SPTLC1: variants seen among roughly 807,000 people sequenced by gnomAD.
SPTLC1 encodes serine palmitoyltransferase 1.
Under a neutral mutation model 68.9 loss-of-function variants are expected in SPTLC1, and 55 were observed. The observed-to-expected ratio is 0.80, with a 90% CI of 0.64 to 1.00. The LOEUF (loss-of-function observed/expected upper bound fraction) is 1.00, where lower values mean the gene tolerates loss of function less well. Ranked by LOEUF, SPTLC1 falls within the 50% of genes least tolerant of loss-of-function variation. The probability of loss-of-function intolerance (pLI) is 0.00; values close to 1 mark genes in which losing one functional copy is unlikely to be tolerated. For missense variants in SPTLC1, 449 were observed against 573.1 expected, an observed-to-expected ratio of 0.78 and a Z score of 2.21; for synonymous variants, 197 against 201.6, an observed-to-expected ratio of 0.98 and a Z score of 0.19.
chr9:92,103,894 C>G (rs1057104176), intron 3 of SPTLC1, among the ~76,000 whole-genome samples: 1 of 152,212 alleles, frequency 6.6e-6, no homozygotes, highest in African/African-American at 2.4e-5. Flanking sequence ...CAGCCCCGCA[C>G]CCCCAACAGC....
At chr9:92,083,791 G>C (rs1482095594) in intron 3 of SPTLC1, among the ~76,000 whole-genome samples, 1 of 152,116 alleles carries the variant, frequency 6.6e-6, no homozygotes, top group Non-Finnish European at 1.5e-5. Flanking sequence ...GTCATTGGTA[G>C]CTTGATGGGG....
intron 5 of SPTLC1, among the ~76,000 whole-genome samples, chr9:92,071,920 A>T (rs1315805602): frequency 1.3e-5 from 2 of 152,198 alleles, no homozygotes; most frequent in African/African-American, 2.4e-5. Context: ...GTGATAATGT[A>T]CCTTGTGACA....
chr9:92,081,858 A>G (rs1182232014), intron 3 of SPTLC1, among the ~76,000 whole-genome samples: 1 of 152,222 alleles, frequency 6.6e-6, no homozygotes, highest in Non-Finnish European at 1.5e-5. Flanking sequence ...ATGGAGAAAC[A>G]CTATTCTCAT....
chr9:92,050,998 A>G (rs1833688093), intron 8 of SPTLC1: 11 of 984,918 alleles, frequency 1.1e-5, no homozygotes, highest in Non-Finnish European at 1.3e-5. Flanking sequence ...TCTACACTTG[A>G]GCTGTTCCTA....
chr9:92,098,071 T>C (rs891117993), intron 3 of SPTLC1, among the ~76,000 whole-genome samples: 1 of 152,134 alleles, frequency 6.6e-6, no homozygotes, highest in African/African-American at 2.4e-5. Flanking sequence ...TCGGTAACCA[T>C]CTTGGCTACC....
intron 5 of SPTLC1, chr9:92,079,620 T>C: frequency 6.8e-7 from 1 of 1,473,124 alleles, no homozygotes; most frequent in East Asian, 2.3e-5. Flanking sequence ...CCCCAGGCAA[T>C]CTGCTCTCCA....
chr9:92,059,218 G>A lies in SPTLC1; in HGVS notation c.651C>T (p.Leu217=), dbSNP rs541564846. 4.3e-6 allele frequency: 7 copies of A among 1,613,930 alleles called. No individual in the cohort carries two copies. The highest frequency in any genetic ancestry group is 2.2e-5 in the East Asian group (1 of 44,848). ...KLFKHNDMAD[L]ERLLKEQEIE... ...TCTCTTGTTCTTTTAGTAGTCGCTC[G>A]AGGTCAGCCATGTCATTATGCTTAA... The change falls in exon 7 of 15, where the codon CTC becomes CTT. Residue 217 remains leucine, a synonymous_variant. Coordinates refer to ENST00000262554, the MANE Select transcript of SPTLC1 (RefSeq NM_006415.4).
chr9:92,080,047 A>C lies in SPTLC1; in HGVS notation c.396T>G (p.Thr132=), dbSNP rs202190439. ...LASLKKYGVG[T]CGPRGFYGTF... ...TGCCATAAAATCCTCTGGGTCCACAAGTCCCCACGCCATACTTCTTTAGAG... is the reference window on the plus strand; with the variant it reads ...TGCCATAAAATCCTCTGGGTCCACACGTCCCCACGCCATACTTCTTTAGAG... The change falls in exon 5 of 15, where the codon ACT becomes ACG. Residue 132 remains threonine, a synonymous_variant. Transcript: ENST00000262554. 1 of 1,614,134 alleles carries C rather than the reference A, an allele frequency of 6.2e-7. No homozygotes were observed. Among genetic ancestry groups the C allele is most frequent in the Non-Finnish European group, 8.5e-7 (1 of 1,179,976 alleles).
At chr9:92,051,879 C>G (rs972159802) in intron 8 of SPTLC1, among the ~76,000 whole-genome samples, 8 of 152,054 alleles carry the variant, frequency 5.3e-5, no homozygotes, top group African/African-American at 1.9e-4. Flanking sequence ...AAATCAAATA[C>G]TTAGTGATAA....
intron 5 of SPTLC1, chr9:92,079,181 T>G: frequency 2.7e-6 from 1 of 366,998 alleles, no homozygotes; most frequent in South Asian, 5.1e-5. Context: ...GTTGAAGCAA[T>G]TCTCCCACCT....
At chr9:92,038,222 G>A (rs774274879) in intron 13 of SPTLC1, 26 bp downstream of exon 13, 12 of 1,463,274 alleles carry the variant, frequency 8.2e-6, no homozygotes, top group East Asian at 6.8e-5. Flanking sequence ...GGTGTGGGGG[G>A]ATGCCTCAAG....
chr9:92,099,750 G>A (rs1835677812), intron 3 of SPTLC1, among the ~76,000 whole-genome samples: 1 of 152,072 alleles, frequency 6.6e-6, no homozygotes, highest in African/African-American at 2.4e-5. Context: ...CCAAAGTGCT[G>A]AGATTGCAGG....
chr9:92,088,781 C>T (rs374813676), intron 3 of SPTLC1, among the ~76,000 whole-genome samples: 5 of 152,270 alleles, frequency 3.3e-5, no homozygotes, highest in African/African-American at 4.8e-5. Flanking sequence ...ACAAAGTTTC[C>T]GGTGAGAAAT....
At chr9:92,073,829 C>T (rs540727001) in intron 5 of SPTLC1, among the ~76,000 whole-genome samples, 54 of 152,314 alleles carry the variant, frequency 3.5e-4, no homozygotes, top group African/African-American at 1.2e-3. Flanking sequence ...CCAGCAGCAC[C>T]GCCTACCTGC....
chr9:92,102,931 T>C (rs546391758), intron 3 of SPTLC1, among the ~76,000 whole-genome samples: 1 of 142,624 alleles, frequency 7.0e-6, no homozygotes, highest in Admixed American at 6.8e-5. Flanking sequence ...CTCTTGGGCA[T>C]AAGAAAACCT....
At chr9:92,047,053 A>G (rs1451061950) in intron 11 of SPTLC1, 119 bp downstream of exon 11, 6 of 853,952 alleles carry the variant, frequency 7.0e-6, no homozygotes, top group African/African-American at 1.7e-5. Context: ...TATGAATGCC[A>G]TATAATGTAA....
In SPTLC1 at chr9:92,080,894, T is replaced by TC. The variant is rs1179957122; in HGVS notation, c.329dup (p.Leu111IlefsTer4). The TC allele has an allele frequency of 6.2e-7, 1 of 1,614,060 alleles. No homozygotes were observed. The highest frequency in any genetic ancestry group is 1.1e-5 in the South Asian group (1 of 91,082). ...CCTTAACCCTAGGGTTATCCAACAA[T>TC]CCAAGAAAATTAAATGAGGCGAAGT... On this transcript the variant is annotated frameshift_variant, in exon 4 of 15. Coordinates refer to ENST00000262554, the MANE Select transcript of SPTLC1 (RefSeq NM_006415.4). LOFTEE classifies it high-confidence loss of function.
chr9:92,079,217 A>G (rs992470717), intron 5 of SPTLC1: 15 of 407,560 alleles, frequency 3.7e-5, no homozygotes, highest in Non-Finnish European at 5.5e-5. Context: ...CTGGGATTAC[A>G]GGTATCCACC....
intron 3 of SPTLC1, chr9:92,104,605 T>C (rs2118803357): frequency 2.7e-6 from 4 of 1,478,350 alleles, no homozygotes; most frequent in Middle Eastern, 1.7e-4. Context: ...TTCAACTTCC[T>C]TCATTAGATG....
Sources: allele counts gnomAD v4.1 joint callset (sites outside exome capture counted in the v4.1 genomes callset), GRCh38; gene constraint gnomAD v4.1.1; transcripts MANE v1.5; gene names NCBI Gene and HGNC (gene_info 2026-07-23, HGNC 2026-07-21).